ARAP2: variants seen among roughly 807,000 people sequenced by gnomAD.
The protein encoded by ARAP2 is arf-GAP with Rho-GAP domain, ANK repeat and PH domain-containing protein 2.
Under a neutral mutation model 194.5 loss-of-function variants are expected in ARAP2, and 148 were observed. The ratio of observed to expected loss-of-function variants is 0.76; its 90% confidence interval spans 0.67 to 0.87. The LOEUF is 0.87. ARAP2 is among the 40% of genes least tolerant of loss of function. ARAP2 has a pLI of 0.00. For missense variants in ARAP2, 2,128 were observed against 1,989.7 expected (o/e 1.07, Z -1.32); for synonymous variants, 695 against 683.5 (o/e 1.02, Z -0.26).
At chr4:36,055,367 T>C (rs564133686) in intron 2 of ARAP2, among the ~76,000 whole-genome samples, 3 of 152,308 alleles carry the variant, frequency 2.0e-5, no homozygotes, top group East Asian at 1.9e-4. Flanking sequence ...CAGAAAGTCA[T>C]TGTGTTTTGG....
chr4:36,015,562 T>G (rs904237088), exon 8 of ARAP2: 13 of 152,250 alleles, frequency 8.5e-5, no homozygotes, highest in African/African-American at 3.1e-4. Flanking sequence ...ACAAGTTATA[T>G]CTTTCTCCAG....
At chr4:36,155,467 G>A (rs1441962209) in intron 15 of ARAP2, among the ~76,000 whole-genome samples, 2 of 152,050 alleles carry the variant, frequency 1.3e-5, no homozygotes, top group African/African-American at 4.8e-5. Context: ...TTTGCATAGG[G>A]AACAGCAGGT....
At chr4:36,219,168 T>G (rs187692724) in intron 2 of ARAP2, among the ~76,000 whole-genome samples, 56 of 152,300 alleles carry the variant, frequency 3.7e-4, no homozygotes, top group Non-Finnish European at 1.6e-4. Flanking sequence ...TTTTGCATTA[T>G]CTACAAAAAT....
chr4:36,112,751 T>C (rs1720350060), intron 26 of ARAP2, among the ~76,000 whole-genome samples: 3 of 149,716 alleles, frequency 2.0e-5, no homozygotes, highest in Admixed American at 1.3e-4. Flanking sequence ...AAGAGACAAG[T>C]ACAAATCAAG....
At position 36,210,437 on chromosome 4, in the gene ARAP2, A is replaced by C. The variant is rs955827756; in HGVS notation, c.1440T>G (p.Ser480=). The C allele has an allele frequency of 6.2e-7, 1 of 1,613,600 alleles. No homozygotes were observed. Among genetic ancestry groups the C allele is most frequent in the African/African-American group, 1.3e-5 (1 of 74,914 alleles). Residue 480 remains serine, a synonymous_variant, in exon 6 of 33, where the codon TCT becomes TCG. Coordinates refer to ENST00000303965, the MANE Select transcript of ARAP2 (RefSeq NM_015230.4). ...GCCATCCTGATTTAACCTTCTTTGC[A>C]GATGCTCCATAAAAGCAGGCATAGG... ...ISPYACFYGA[S]AKKVKSGWLD... is the part of the protein sequence containing the mutation.
At chr4:36,040,761 T>C (rs1310548569) in intron 5 of ARAP2, among the ~76,000 whole-genome samples, 1 of 152,198 alleles carries the variant, frequency 6.6e-6, no homozygotes, top group South Asian at 2.1e-4. Context: ...GGTTTCTAGA[T>C]AGGAAATCAT....
Position 36,167,048 on chromosome 4 carries a change from C to G in ARAP2, c.1858-1G>C, listed in dbSNP as rs763549105. 1.1e-5 allele frequency: 16 copies of G among 1,496,342 alleles called. No individual in the cohort carries two copies. Among genetic ancestry groups the G allele is most frequent in the Non-Finnish European group, 1.4e-5 (16 of 1,106,066 alleles). The allele number at this position is 1,496,342 out of a possible 1,614,324, so 92.7% of individuals were successfully genotyped here. A position where few individuals can be genotyped will look rare whatever the true frequency, so the allele number is the denominator to read the frequency against. ...TAATACCAAGTCCACTCTTAAAATCCTAGTTTGGAGAAAAACATAAAAAAC... is the reference window on the plus strand; with the variant it reads ...TAATACCAAGTCCACTCTTAAAATCGTAGTTTGGAGAAAAACATAAAAAAC... On this transcript the variant is annotated splice_acceptor_variant, in intron 9 of 32. Coordinates refer to ENST00000303965, the MANE Select transcript of ARAP2 (RefSeq NM_015230.4). LOFTEE classifies it high-confidence loss of function.
At chr4:36,170,152 A>G (rs1736272991) in intron 9 of ARAP2, among the ~76,000 whole-genome samples, 1 of 152,142 alleles carries the variant, frequency 6.6e-6, no homozygotes, top group East Asian at 1.9e-4. Context: ...GAACCTAAGA[A>G]TTTTTAATTT....
chr4:36,047,131 A>C (rs954260331), intron 3 of ARAP2: 5 of 152,244 alleles, frequency 3.3e-5, no homozygotes, highest in African/African-American at 1.2e-4. Context: ...CATCTTCTGC[A>C]TACCAGGTTT....
intron 1 of ARAP2, among the ~76,000 whole-genome samples, chr4:36,232,130 A>G (rs1029366888): frequency 6.6e-6 from 1 of 152,192 alleles, no homozygotes; most frequent in Non-Finnish European, 1.5e-5. Flanking sequence ...CAACCTCTAG[A>G]GCTGTGAGAA....
intron 6 of ARAP2, among the ~76,000 whole-genome samples, chr4:36,202,444 A>G (rs549895030): frequency 1.3e-5 from 2 of 152,062 alleles, no homozygotes; most frequent in African/African-American, 4.8e-5. Context: ...CAAAAAAAGT[A>G]TCTTCAATCT....
intron 5 of ARAP2, among the ~76,000 whole-genome samples, chr4:36,019,817 G>A (rs1454454629): frequency 6.6e-6 from 1 of 152,104 alleles, no homozygotes; most frequent in African/African-American, 2.4e-5. Flanking sequence ...ATAGGAACAG[G>A]TTATAGTTTC....
At chr4:36,040,184 A>G (rs569795614) in intron 5 of ARAP2, among the ~76,000 whole-genome samples, 10 of 152,260 alleles carry the variant, frequency 6.6e-5, no homozygotes, top group Non-Finnish European at 1.3e-4. Flanking sequence ...TGTTCTGTCT[A>G]TTTACTTTGT....
intron 13 of ARAP2, chr4:36,160,233 G>A (rs1023483107): frequency 8.9e-7 from 1 of 1,123,884 alleles, no homozygotes; most frequent in Non-Finnish European, 1.1e-6. Context: ...GTGGCAACAA[G>A]AGTTAGCAGG....
chr4:36,087,144 T>C (rs1248619796), intron 28 of ARAP2, among the ~76,000 whole-genome samples: 2 of 152,106 alleles, frequency 1.3e-5, no homozygotes, highest in Admixed American at 1.3e-4. Context: ...ATTTTACTGT[T>C]GATAATTTAC....
chr4:36,171,556 A>T (rs1578160742), intron 9 of ARAP2, among the ~76,000 whole-genome samples: 1 of 152,202 alleles, frequency 6.6e-6, no homozygotes, highest in South Asian at 2.1e-4. Flanking sequence ...GCATTAGGAG[A>T]TATACCTGAT....
intron 9 of ARAP2, among the ~76,000 whole-genome samples, chr4:36,175,384 T>G (rs932202315): frequency 6.6e-6 from 1 of 152,210 alleles, no homozygotes; most frequent in Non-Finnish European, 1.5e-5. Context: ...TTTTCACATG[T>G]GCTCTATCAC....
intron 6 of ARAP2, among the ~76,000 whole-genome samples, chr4:36,196,885 T>C (rs1253224189): frequency 6.6e-6 from 1 of 151,578 alleles, no homozygotes; most frequent in African/African-American, 2.4e-5. Context: ...GAATGCTGCC[T>C]GCCTGCTCCT....
intron 28 of ARAP2, among the ~76,000 whole-genome samples, chr4:36,089,547 A>G (rs1712958730): frequency 6.6e-6 from 1 of 152,080 alleles, no homozygotes; most frequent in South Asian, 2.1e-4. Flanking sequence ...TTACCCTTCC[A>G]CCAACAATTT....
Sources: gnomAD v4.1 joint callset for allele counts (sites outside exome capture counted in the v4.1 genomes callset) on GRCh38, gnomAD v4.1.1 for gene constraint, MANE v1.5 for transcripts, NCBI Gene and HGNC (gene_info 2026-07-23, HGNC 2026-07-21) for gene names.